The following MMP16 variants were observed in gnomAD, a reference collection of about 807,000 sequenced individuals.
MMP16 encodes matrix metalloproteinase-16.
Under a neutral mutation model 67.8 loss-of-function variants are expected in MMP16, and 12 were observed. That is an observed-to-expected ratio of 0.18 (90% CI 0.11 to 0.29). The LOEUF is 0.29. MMP16 is among the 10% of genes least tolerant of loss of function. The pLI is 1.00. For missense variants in MMP16, 475 were observed against 765.7 expected (o/e 0.62, Z 4.48); for synonymous variants, 249 against 255.9 (o/e 0.97, Z 0.26).
At chr8:88,247,988 G>T (rs184918747) in intron 1 of MMP16, among the ~76,000 whole-genome samples, 1 of 152,124 alleles carries the variant, frequency 6.6e-6, no homozygotes, top group African/African-American at 2.4e-5. Context: ...ATTTGAATTG[G>T]GGAGTGGGCA....
intron 1 of MMP16, among the ~76,000 whole-genome samples, chr8:88,289,192 C>T (rs570431222): frequency 6.6e-6 from 1 of 152,058 alleles, no homozygotes; most frequent in Admixed American, 6.5e-5. Flanking sequence ...CGCGAGACTG[C>T]AGCACACTGG....
chr8:88,034,847 T>C lies in MMP16; in HGVS notation c.*6614A>G, dbSNP rs1191662158. ...AGACAGGCCAATGTAGCGACATACA[T>C]TCATATAAAAGGTGGCAAGTACAAG... On this transcript the variant is annotated 3_prime_UTR_variant, in exon 10 of 10. Transcript: ENST00000286614. 1.3e-5 allele frequency: 2 copies of C among 151,890 alleles called. No homozygotes were observed. Among genetic ancestry groups the C allele is most frequent in the Admixed American group, 6.6e-5 (1 of 15,196 alleles). The allele number at this position is 151,890 out of a possible 1,614,324, so 9.4% of individuals were successfully genotyped here.
At chr8:88,108,752 G>A (rs1158952328) in intron 6 of MMP16, among the ~76,000 whole-genome samples, 1 of 151,352 alleles carries the variant, frequency 6.6e-6, no homozygotes, top group Non-Finnish European at 1.5e-5. Flanking sequence ...TTCCATTGAA[G>A]TTATGATTGG....
chr8:88,097,290 T>G (rs1343863864), intron 6 of MMP16, among the ~76,000 whole-genome samples: 1 of 151,812 alleles, frequency 6.6e-6, no homozygotes, highest in Non-Finnish European at 1.5e-5. Flanking sequence ...GCCAAGGATC[T>G]TTTCTATGTA....
intron 1 of MMP16, among the ~76,000 whole-genome samples, chr8:88,283,832 G>T (rs1468134250): frequency 9.2e-5 from 14 of 152,038 alleles, no homozygotes; most frequent in Admixed American, 9.2e-4. Context: ...TCTGCTAAGA[G>T]AGGTAACACC....
intron 4 of MMP16, among the ~76,000 whole-genome samples, chr8:88,123,839 C>T (rs1362187386): frequency 6.6e-6 from 1 of 151,890 alleles, no homozygotes; most frequent in Non-Finnish European, 1.5e-5. Context: ...CTTTCTGACA[C>T]TACTGCTCTT....
At chr8:88,190,077 G>A (rs755007144) in intron 2 of MMP16, among the ~76,000 whole-genome samples, 2 of 152,210 alleles carry the variant, frequency 1.3e-5, no homozygotes, top group Middle Eastern at 3.4e-3. Flanking sequence ...GAGACATTAC[G>A]TGGATACTTA....
chr8:88,193,999 C>T (rs1296899069), intron 2 of MMP16, among the ~76,000 whole-genome samples: 3 of 151,748 alleles, frequency 2.0e-5, no homozygotes, highest in African/African-American at 7.3e-5. Context: ...TTAAAAGAAT[C>T]ACTGATGAAC....
intron 1 of MMP16, among the ~76,000 whole-genome samples, chr8:88,294,217 GAT>G (rs543142867): frequency 2.7e-5 from 4 of 148,786 alleles, no homozygotes; most frequent in African/African-American, 9.9e-5. Flanking sequence ...ATATGTGTTG[GAT>G]ATATATATAC....
intron 1 of MMP16, among the ~76,000 whole-genome samples, chr8:88,289,167 GAA>G (rs1265134242): frequency 6.6e-6 from 1 of 152,124 alleles, no homozygotes; most frequent in African/African-American, 2.4e-5. Flanking sequence ...AAGAGAGAGA[GAA>G]AGAGAGTGTG....
Position 88,327,318 on chromosome 8 carries a change from C to A in MMP16, c.-112G>T. 2.1e-6 allele frequency: 3 copies of A among 1,440,962 alleles called. No homozygotes were observed. In the South Asian group the frequency reaches 3.7e-5, roughly 18 times the overall value. 89.3% of individuals were successfully genotyped at this position (1,440,962 alleles called of 1,614,324 possible). ...AAAAGTCCTCCGGGTGGGTAAGGAG[C>A]CTGCAGGTTCACCCACAGCCGGGCA... is the stretch of plus-strand genomic sequence containing the variant. On this transcript the variant is annotated 5_prime_UTR_variant, in exon 1 of 10. Coordinates refer to ENST00000286614, the MANE Select transcript of MMP16 (RefSeq NM_005941.5).
chr8:88,203,323 C>T (rs1161104154), intron 1 of MMP16, among the ~76,000 whole-genome samples: 1 of 151,804 alleles, frequency 6.6e-6, no homozygotes, highest in Non-Finnish European at 1.5e-5. Context: ...AGGATGGTCT[C>T]GATCTCTTGA....
chr8:88,248,324 C>T (rs1488645941), intron 1 of MMP16, among the ~76,000 whole-genome samples: 3 of 151,886 alleles, frequency 2.0e-5, no homozygotes, highest in African/African-American at 7.3e-5. Context: ...AGATAATAAA[C>T]ATAAAAGTGA....
intron 1 of MMP16, among the ~76,000 whole-genome samples, chr8:88,293,250 T>C (rs974126405): frequency 2.0e-5 from 3 of 152,196 alleles, no homozygotes; most frequent in African/African-American, 7.2e-5. Flanking sequence ...CTACCTTCCC[T>C]CCTTCCACTG....
intron 1 of MMP16, among the ~76,000 whole-genome samples, chr8:88,267,467 T>C (rs1810493128): frequency 6.6e-6 from 1 of 152,332 alleles, no homozygotes; most frequent in African/African-American, 2.4e-5. Flanking sequence ...TTAATGTGCC[T>C]GCCTCCTCAC....
At chr8:88,246,997 T>C (rs2337520) in intron 1 of MMP16, among the ~76,000 whole-genome samples, 147,888 of 152,214 alleles carry the variant, frequency 0.97, 71,987 homozygotes, top group East Asian at 1. Flanking sequence ...TCATTTGAAA[T>C]TGTTACAAAA....
intron 1 of MMP16, among the ~76,000 whole-genome samples, chr8:88,221,761 C>T (rs1563566396): frequency 6.6e-6 from 1 of 151,962 alleles, no homozygotes; most frequent in African/African-American, 2.4e-5. Context: ...TTAAAAACTT[C>T]TAACATTTGA....
At chr8:88,149,674 C>G (rs1383290867) in intron 4 of MMP16, among the ~76,000 whole-genome samples, 1 of 151,188 alleles carries the variant, frequency 6.6e-6, no homozygotes, top group Non-Finnish European at 1.5e-5. Flanking sequence ...GGAAAACTAA[C>G]AAACAGAAAG....
intron 1 of MMP16, among the ~76,000 whole-genome samples, chr8:88,211,225 G>T (rs1180459994): frequency 1.3e-5 from 2 of 152,078 alleles, no homozygotes; most frequent in African/African-American, 4.8e-5. Context: ...CCAGTGTACA[G>T]GTGGGCCATT....
Sources: gnomAD v4.1 joint callset for allele counts (sites outside exome capture counted in the v4.1 genomes callset) on GRCh38, gnomAD v4.1.1 for gene constraint, MANE v1.5 for transcripts, NCBI Gene and HGNC (gene_info 2026-07-23, HGNC 2026-07-21) for gene names.